CSMD1: variants seen among roughly 807,000 people sequenced by gnomAD.
CSMD1 encodes CUB and sushi domain-containing protein 1.
A neutral mutation model predicts 417.5 loss-of-function variants in CSMD1; 213 were observed. The ratio of observed to expected loss-of-function variants is 0.51; its 90% CI spans 0.46 to 0.57. The LOEUF (loss-of-function observed/expected upper bound fraction) is 0.57. Among genes scored for constraint, CSMD1 ranks in the 20% least tolerant of loss-of-function variants. The pLI is 0.00. For synonymous variants in CSMD1, 2,862 were observed against 1,736.8 expected, an observed-to-expected ratio of 1.65 and a Z score of -16.11; for missense variants, 6,923 against 4,529.7, an observed-to-expected ratio of 1.53 and a Z score of -15.17.
chr8:4,988,196 C>T (rs989061640), intron 1 of CSMD1, among the ~76,000 whole-genome samples: 2 of 152,124 alleles, frequency 1.3e-5, no homozygotes, highest in African/African-American at 4.8e-5. Context: ...TAAAACATAG[C>T]ATTATATGCA....
chr8:3,149,504 A>C (rs1194219512), intron 40 of CSMD1, among the ~76,000 whole-genome samples: 1 of 152,114 alleles, frequency 6.6e-6, no homozygotes, highest in Non-Finnish European at 1.5e-5. Flanking sequence ...ATTGAGACAG[A>C]GTCTCGCTCT....
At chr8:3,263,354 C>T (rs1268418216) in intron 26 of CSMD1, among the ~76,000 whole-genome samples, 1 of 152,204 alleles carries the variant, frequency 6.6e-6, no homozygotes, top group Admixed American at 6.5e-5. Flanking sequence ...CTGCCTTGAC[C>T]TGCCAAAGTG....
intron 23 of CSMD1, among the ~76,000 whole-genome samples, chr8:3,337,506 A>C (rs1807346539): frequency 6.6e-6 from 1 of 152,150 alleles, no homozygotes; most frequent in Admixed American, 6.6e-5. Flanking sequence ...TTGCCTAAAC[A>C]ATGAGATAGG....
At chr8:4,332,460 C>T (rs1346185756) in intron 3 of CSMD1, among the ~76,000 whole-genome samples, 2 of 151,858 alleles carry the variant, frequency 1.3e-5, no homozygotes, top group Non-Finnish European at 2.9e-5. Flanking sequence ...ACAGTGTGTA[C>T]TGTCTCTCCA....
chr8:3,157,792 T>C lies in CSMD1; in HGVS notation c.5914+105A>G, dbSNP rs1585507836. On this transcript the variant is annotated intron_variant, in intron 39 of 69. Coordinates refer to ENST00000635120, the MANE Select transcript of CSMD1 (RefSeq NM_033225.6). ...TGCTATTAGTATATAACACGTGTTTTGAAATTAAGAAATTTAGAAGTGCAT... is the reference window on the plus strand; with the variant it reads ...TGCTATTAGTATATAACACGTGTTTCGAAATTAAGAAATTTAGAAGTGCAT... 51 of 938,770 alleles carry C rather than the reference T, an allele frequency of 5.4e-5. No homozygotes were observed. The East Asian group carries it at 1.3e-3, about 25-fold the overall frequency. 58.2% of individuals were successfully genotyped at this position (938,770 alleles called of 1,614,324 possible).
intron 5 of CSMD1, among the ~76,000 whole-genome samples, chr8:3,836,063 GTC>G (rs954809993): frequency 4.6e-5 from 7 of 151,864 alleles, no homozygotes; most frequent in African/African-American, 1.7e-4. Context: ...GATTTTCTAT[GTC>G]TCTAATTTCT....
chr8:3,898,751 C>A (rs549745277), intron 5 of CSMD1, among the ~76,000 whole-genome samples: 1 of 152,198 alleles, frequency 6.6e-6, no homozygotes, highest in South Asian at 2.1e-4. Context: ...TGCTATTGAA[C>A]CACTGTATAT....
At chr8:3,668,204 A>G (rs1004365939) in intron 7 of CSMD1, among the ~76,000 whole-genome samples, 6 of 152,100 alleles carry the variant, frequency 3.9e-5, no homozygotes, top group African/African-American at 1.4e-4. Context: ...CTAATAAGGG[A>G]ACATAGTAAA....
intron 5 of CSMD1, among the ~76,000 whole-genome samples, chr8:3,780,495 C>G (rs1314884264): frequency 6.6e-6 from 1 of 152,188 alleles, no homozygotes; most frequent in Admixed American, 6.5e-5. Flanking sequence ...TATCAGTAAC[C>G]ATTCCATCAA....
intron 23 of CSMD1, among the ~76,000 whole-genome samples, chr8:3,319,748 T>C (rs531320165): frequency 6.6e-6 from 1 of 152,188 alleles, no homozygotes; most frequent in Non-Finnish European, 1.5e-5. Flanking sequence ...CAGAAGAACA[T>C]TAGGAACACG....
At chr8:4,300,513 G>C (rs1488128187) in intron 3 of CSMD1, among the ~76,000 whole-genome samples, 1 of 152,092 alleles carries the variant, frequency 6.6e-6, no homozygotes. Flanking sequence ...TGAAGGAAAT[G>C]TCCTTTACAG....
At chr8:4,905,735 G>C (rs536901697) in intron 1 of CSMD1, among the ~76,000 whole-genome samples, 2 of 150,786 alleles carry the variant, frequency 1.3e-5, no homozygotes, top group Non-Finnish European at 2.9e-5. Context: ...CAGGAGAATG[G>C]CGTGAAACCG....
intron 54 of CSMD1, among the ~76,000 whole-genome samples, chr8:2,989,626 A>T (rs1472861505): frequency 2.6e-5 from 4 of 152,244 alleles, no homozygotes; most frequent in African/African-American, 4.8e-5. Flanking sequence ...TGTGCAACAG[A>T]CATGGTATCT....
intron 3 of CSMD1, among the ~76,000 whole-genome samples, chr8:4,372,175 G>C (rs1327627769): frequency 6.6e-6 from 1 of 152,160 alleles, no homozygotes; most frequent in South Asian, 2.1e-4. Context: ...TCCAAAAAGA[G>C]ATATTTTTTT....
At chr8:4,701,506 C>T (rs746671708) in intron 1 of CSMD1, among the ~76,000 whole-genome samples, 68 of 152,004 alleles carry the variant, frequency 4.5e-4, no homozygotes, top group Non-Finnish European at 7.5e-4. Context: ...CCCAGGCCGC[C>T]TCCCAGAGGG....
chr8:4,027,299 G>A (rs1200832504), intron 4 of CSMD1, among the ~76,000 whole-genome samples: 1 of 152,166 alleles, frequency 6.6e-6, no homozygotes, highest in Non-Finnish European at 1.5e-5. Flanking sequence ...GAGTGAGTCA[G>A]GAGTAGAAAG....
intron 2 of CSMD1, among the ~76,000 whole-genome samples, chr8:4,567,569 G>C (rs969385721): frequency 6.6e-6 from 1 of 152,140 alleles, no homozygotes; most frequent in Non-Finnish European, 1.5e-5. Context: ...GTCTGAATTA[G>C]TCACAAAATT....
chr8:3,736,641 C>T (rs1302572139), intron 6 of CSMD1, among the ~76,000 whole-genome samples: 1 of 152,172 alleles, frequency 6.6e-6, no homozygotes, highest in Non-Finnish European at 1.5e-5. Context: ...TCTCATGCCC[C>T]AGGTCTTCCA....
chr8:4,768,887 C>T (rs562716238), intron 1 of CSMD1, among the ~76,000 whole-genome samples: 1 of 152,264 alleles, frequency 6.6e-6, no homozygotes, highest in Admixed American at 6.5e-5. Context: ...CCCCTTTTTC[C>T]TAGCCGAGTC....
Sources: allele counts gnomAD v4.1 joint callset (sites outside exome capture counted in the v4.1 genomes callset), GRCh38; gene constraint gnomAD v4.1.1; transcripts MANE v1.5; gene names NCBI Gene and HGNC (gene_info 2026-07-23, HGNC 2026-07-21).